Variants in ANGPTL2 observed in about 807,000 individuals in gnomAD.
ANGPTL2 encodes angiopoietin like 2.
In ANGPTL2, 25 loss-of-function variants were observed where a neutral mutation model predicts 52.8. The ratio of observed to expected loss-of-function variants is 0.47; its 90% CI spans 0.35 to 0.66. The LOEUF is 0.66. Ranked by LOEUF, ANGPTL2 falls within the 30% of genes least tolerant of loss-of-function variation. ANGPTL2 has a pLI of 0.01. For synonymous variants in ANGPTL2, 276 were observed against 277.4 expected (o/e 1.00, Z 0.05); for missense variants, 546 against 656.9 (o/e 0.83, Z 1.84).
intron 1 of ANGPTL2, among the ~76,000 whole-genome samples, chr9:127,114,309 T>C (rs1339005594): frequency 2.6e-5 from 4 of 152,312 alleles, no homozygotes; most frequent in African/African-American, 9.6e-5. Flanking sequence ...TATTTGCAGT[T>C]GAGGAAACTA....
chr9:127,118,110 A>G (rs1439439894), intron 1 of ANGPTL2, among the ~76,000 whole-genome samples: 1 of 152,204 alleles, frequency 6.6e-6, no homozygotes, highest in Non-Finnish European at 1.5e-5. Context: ...ACTGGAGTGC[A>G]GTGGCGCGAT....
intron 2 of ANGPTL2, among the ~76,000 whole-genome samples, chr9:127,102,239 G>GA (rs1209577477): frequency 2.6e-5 from 4 of 151,776 alleles, no homozygotes; most frequent in African/African-American, 9.7e-5. Flanking sequence ...AATTTATAAA[G>GA]AAAGGAAGTT....
At chr9:127,096,302 G>A (rs1383642979) in intron 2 of ANGPTL2, among the ~76,000 whole-genome samples, 6 of 152,244 alleles carry the variant, frequency 3.9e-5, no homozygotes, top group African/African-American at 1.2e-4. Flanking sequence ...GGAGCAGAGC[G>A]CCGGTGGGCG....
chr9:127,118,068 A>G (rs1214461171), intron 1 of ANGPTL2, among the ~76,000 whole-genome samples: 3 of 151,946 alleles, frequency 2.0e-5, no homozygotes, highest in South Asian at 4.2e-4. Context: ...TTTATTTTTT[A>G]TTTTTGAGAT....
At chr9:127,103,518 C>T (rs375116245) in intron 2 of ANGPTL2, among the ~76,000 whole-genome samples, 2 of 152,302 alleles carry the variant, frequency 1.3e-5, no homozygotes, top group East Asian at 3.9e-4. Flanking sequence ...GAAGGAACCC[C>T]AGAGGATATG....
chr9:127,113,059 G>A (rs956326923), intron 1 of ANGPTL2, among the ~76,000 whole-genome samples: 1 of 152,222 alleles, frequency 6.6e-6, no homozygotes, highest in African/African-American at 2.4e-5. Context: ...TTACACCTCT[G>A]TGGGGCCTAG....
intron 2 of ANGPTL2, among the ~76,000 whole-genome samples, chr9:127,098,676 C>G (rs1589458392): frequency 6.6e-6 from 1 of 152,286 alleles, no homozygotes; most frequent in East Asian, 1.9e-4. Context: ...CCTTCCTCCT[C>G]TCTGGGGTTC....
intron 1 of ANGPTL2, among the ~76,000 whole-genome samples, chr9:127,112,330 G>T (rs2054908208): frequency 6.6e-6 from 1 of 152,202 alleles, no homozygotes; most frequent in African/African-American, 2.4e-5. Context: ...GAACAATGGG[G>T]AGGAGCCGCC....
intron 1 of ANGPTL2, among the ~76,000 whole-genome samples, chr9:127,116,446 G>T (rs2055429770): frequency 6.6e-6 from 1 of 152,242 alleles, no homozygotes; most frequent in Non-Finnish European, 1.5e-5. Context: ...TCTGTGCACT[G>T]AGGCCTCTGT....
intron 1 of ANGPTL2, among the ~76,000 whole-genome samples, chr9:127,119,190 C>T (rs190439830): frequency 3.3e-5 from 5 of 152,308 alleles, no homozygotes; most frequent in Admixed American, 6.5e-5. Context: ...CATATTACCA[C>T]ATAACAGGTA....
intron 1 of ANGPTL2, among the ~76,000 whole-genome samples, chr9:127,118,324 A>ATCTTTTGT (rs2055663428): frequency 6.6e-6 from 1 of 152,220 alleles, no homozygotes. Flanking sequence ...TGTCATAGAA[A>ATCTTTTGT]CTACCCCCAG....
intron 3 of ANGPTL2, among the ~76,000 whole-genome samples, chr9:127,093,355 G>A (rs1425929503): frequency 6.6e-6 from 1 of 152,120 alleles, no homozygotes; most frequent in Admixed American, 6.5e-5. Flanking sequence ...TGCGCCTTCT[G>A]GGCTTTGAGA....
chr9:127,119,663 T>G (rs1001453558), intron 1 of ANGPTL2, among the ~76,000 whole-genome samples: 5 of 152,140 alleles, frequency 3.3e-5, no homozygotes, highest in Non-Finnish European at 5.9e-5. Context: ...CCTAAATCAC[T>G]GGGGGATGGA....
intron 2 of ANGPTL2, among the ~76,000 whole-genome samples, chr9:127,094,845 A>T (rs1187332240): frequency 6.6e-6 from 1 of 152,250 alleles, no homozygotes; most frequent in Non-Finnish European, 1.5e-5. Flanking sequence ...TGGGCAGCCC[A>T]GTCAGAAGGA....
chr9:127,108,048 G>C lies in ANGPTL2; in HGVS notation c.684C>G (p.Pro228=). The change falls in exon 2 of 5, where the codon CCC becomes CCG. Residue 228 remains proline (P), a synonymous_variant. Coordinates refer to ENST00000373425, the MANE Select transcript of ANGPTL2 (RefSeq NM_012098.3). Reference sequence around the variant, plus strand: ...TCTGGTTGATGATGCGGTTGTAGGTGGGTGGTTGGTAGACCCGGGGCGGGG... The same window carrying C: ...TCTGGTTGATGATGCGGTTGTAGGTCGGTGGTTGGTAGACCCGGGGCGGGG... ...PAAPPRVYQP[P]TYNRIINQIS... 2 of 1,611,720 alleles carry C rather than the reference G, an allele frequency of 1.2e-6. No homozygotes were observed. The highest frequency in any genetic ancestry group is 8.5e-7 in the Non-Finnish European group (1 of 1,178,840).
At chr9:127,119,035 C>T (rs2055761092) in intron 1 of ANGPTL2, among the ~76,000 whole-genome samples, 1 of 152,116 alleles carries the variant, frequency 6.6e-6, no homozygotes, top group African/African-American at 2.4e-5. Flanking sequence ...TCACATGGAC[C>T]AGTGTTTCCC....
chr9:127,091,160 A>G lies in ANGPTL2; in HGVS notation c.1282+510T>C, dbSNP rs1293295645. Reference sequence around the variant, plus strand: ...AAAGCACTTTAGGTACATTCTCTCTACCCTTCTCCCTACTCTGCAATGTAG... The same window carrying G: ...AAAGCACTTTAGGTACATTCTCTCTGCCCTTCTCCCTACTCTGCAATGTAG... On this transcript the variant is annotated intron_variant, in intron 4 of 4. Coordinates refer to ENST00000373425, the MANE Select transcript of ANGPTL2 (RefSeq NM_012098.3). This position sits in a 1 kb window ranked among gnomAD's most constrained non-coding sequence, Gnocchi z 4.3. 1.3e-5 allele frequency among the ~76,000 whole-genome samples: 2 copies of G among 152,080 alleles called. No individual in the cohort carries two copies. The highest frequency in any genetic ancestry group is 1.9e-4 in the East Asian group (1 of 5,178).
At chr9:127,114,165 A>G (rs949876181) in intron 1 of ANGPTL2, among the ~76,000 whole-genome samples, 2 of 152,202 alleles carry the variant, frequency 1.3e-5, no homozygotes, top group Admixed American at 1.3e-4. Flanking sequence ...TGGTGGCCCC[A>G]CTTGAGCACT....
chr9:127,108,077 C>T lies in ANGPTL2; in HGVS notation c.655G>A (p.Ala219Thr), dbSNP rs937476129. 20 of 576,058 alleles carry T rather than the reference C, an allele frequency of 3.5e-5. No individual in the cohort carries two copies. Among genetic ancestry groups the T allele is most frequent in the Middle Eastern group, 3.4e-4 (1 of 2,938 alleles). 35.7% of individuals were successfully genotyped at this position (576,058 alleles called of 1,614,324 possible). Residue 219 changes from alanine to threonine, a missense_variant, in exon 2 of 5, where the codon GCT (alanine) becomes ACT (threonine). Physicochemically the swap from Ala to Thr is moderately conservative, Grantham distance 58. This residue lies in a region of ANGPTL2 where 285 missense variants were observed against 295.8 expected (regional missense o/e 0.96). Coordinates refer to ENST00000373425, the MANE Select transcript of ANGPTL2 (RefSeq NM_012098.3). ...SARPVPQPPPAAPPRVYQPPT... is the reference protein window; with the variant it reads ...SARPVPQPPPTAPPRVYQPPT... ...GGTTGGTAGACCCGGGGCGGGGCAGCGGGGGGTGGCTGGGGGACGGGCCTG... is the reference window on the plus strand; with the variant it reads ...GGTTGGTAGACCCGGGGCGGGGCAGTGGGGGGTGGCTGGGGGACGGGCCTG...
Sources: allele counts gnomAD v4.1 joint callset (sites outside exome capture counted in the v4.1 genomes callset), GRCh38; gene constraint gnomAD v4.1.1; regional missense constraint gnomAD v4.1.1; non-coding constraint Gnocchi (gnomAD v3.1); transcripts MANE v1.5; gene names NCBI Gene and HGNC (gene_info 2026-07-23, HGNC 2026-07-21).